Variants in SCAPER observed in about 807,000 individuals in gnomAD.
SCAPER encodes S-phase cyclin A associated protein in the ER.
Under a neutral mutation model 182.2 loss-of-function variants are expected in SCAPER, and 98 were observed. The observed-to-expected ratio is 0.54, with a 90% CI of 0.46 to 0.64. The LOEUF is 0.64. SCAPER is among the 30% of genes least tolerant of loss of function. SCAPER has a pLI of 0.00. For synonymous variants in SCAPER, 605 were observed against 564.6 expected (o/e 1.07, Z -1.01); for missense variants, 1,432 against 1,690.0 (o/e 0.85, Z 2.68).
chr15:76,854,807 A>G (rs2071167007), intron 4 of SCAPER, among the ~76,000 whole-genome samples: 1 of 149,224 alleles, frequency 6.7e-6, no homozygotes, highest in Admixed American at 6.7e-5. Context: ...AAAATACAAA[A>G]AAAAAAAAAA....
chr15:76,475,813 A>C (rs4886806), intron 24 of SCAPER, among the ~76,000 whole-genome samples: 5 of 152,192 alleles, frequency 3.3e-5, no homozygotes, highest in African/African-American at 9.7e-5. Flanking sequence ...TTTGTGATAC[A>C]GTGAAAACTA....
At chr15:76,705,444 T>C (rs1230265874) in intron 18 of SCAPER, among the ~76,000 whole-genome samples, 4 of 151,292 alleles carry the variant, frequency 2.6e-5, no homozygotes, top group Admixed American at 6.6e-5. Flanking sequence ...ATATACCTAA[T>C]GCTAAATGAC....
At chr15:76,477,944 TTTTA>T (rs1379144711) in intron 24 of SCAPER, among the ~76,000 whole-genome samples, 1 of 152,028 alleles carries the variant, frequency 6.6e-6, no homozygotes, top group Non-Finnish European at 1.5e-5. Flanking sequence ...TAATTTTTTT[TTTTA>T]GTTTTTTTTG....
At chr15:76,569,575 G>A (rs1282266430) in intron 23 of SCAPER, among the ~76,000 whole-genome samples, 4 of 152,086 alleles carry the variant, frequency 2.6e-5, no homozygotes, top group Non-Finnish European at 4.4e-5. Flanking sequence ...TGGGCTTCTC[G>A]AATCTGTAAA....
At chr15:76,488,093 T>A (rs1445925830) in intron 24 of SCAPER, among the ~76,000 whole-genome samples, 1 of 152,154 alleles carries the variant, frequency 6.6e-6, no homozygotes, top group Non-Finnish European at 1.5e-5. Context: ...AAACTCAAAT[T>A]CCAGACTAAG....
At chr15:76,560,782 G>T (rs1193785047) in intron 23 of SCAPER, among the ~76,000 whole-genome samples, 1 of 152,168 alleles carries the variant, frequency 6.6e-6, no homozygotes, top group Admixed American at 6.5e-5. Flanking sequence ...TCCCAGGGAT[G>T]CAGTGCTGGG....
At chr15:76,894,206 G>A (rs1167890503) in intron 1 of SCAPER, among the ~76,000 whole-genome samples, 1 of 151,924 alleles carries the variant, frequency 6.6e-6, no homozygotes, top group African/African-American at 2.4e-5. Flanking sequence ...GAGCTGAGAT[G>A]GTGCCACTGC....
At chr15:76,842,954 AG>A (rs991794145) in intron 4 of SCAPER, among the ~76,000 whole-genome samples, 1 of 152,224 alleles carries the variant, frequency 6.6e-6, no homozygotes, top group Non-Finnish European at 1.5e-5. Context: ...AAATTAACTT[AG>A]GAAGTTTCCT....
intron 15 of SCAPER, among the ~76,000 whole-genome samples, chr15:76,739,203 T>C (rs1225698602): frequency 3.9e-5 from 6 of 152,194 alleles, no homozygotes. Flanking sequence ...CAAGAGGCCC[T>C]GAAACCAATC....
At chr15:76,617,000 C>G (rs2146025310) in intron 22 of SCAPER, among the ~76,000 whole-genome samples, 1 of 152,220 alleles carries the variant, frequency 6.6e-6, no homozygotes, top group African/African-American at 2.4e-5. Context: ...CTGATCATAT[C>G]CAATATTTTC....
intron 22 of SCAPER, among the ~76,000 whole-genome samples, chr15:76,608,517 T>C (rs942760668): frequency 1.3e-5 from 2 of 152,182 alleles, no homozygotes; most frequent in Admixed American, 1.3e-4. Context: ...AGTTGCGTGC[T>C]GGGAGAACCA....
At chr15:76,395,107 C>G (rs2043964799) in intron 27 of SCAPER, among the ~76,000 whole-genome samples, 1 of 151,824 alleles carries the variant, frequency 6.6e-6, no homozygotes, top group Non-Finnish European at 1.5e-5. Flanking sequence ...ATGTTTATCT[C>G]TCTGTGCCTA....
At chr15:76,849,454 G>A (rs2070482261) in intron 4 of SCAPER, among the ~76,000 whole-genome samples, 1 of 152,142 alleles carries the variant, frequency 6.6e-6, no homozygotes, top group Non-Finnish European at 1.5e-5. Flanking sequence ...CCCAGCTTGG[G>A]CCCACAGCAC....
At chr15:76,587,649 A>G (rs1022516341) in intron 22 of SCAPER, among the ~76,000 whole-genome samples, 1 of 152,196 alleles carries the variant, frequency 6.6e-6, no homozygotes, top group African/African-American at 2.4e-5. Flanking sequence ...GACAGAGTAC[A>G]TGATATAATT....
intron 24 of SCAPER, among the ~76,000 whole-genome samples, chr15:76,486,432 C>T (rs116301796): frequency 0.016 from 2,363 of 152,080 alleles, 62 homozygotes; most frequent in African/African-American, 0.055. Context: ...AGATGACCTA[C>T]AGAATGGGAG....
rs2041858142 is a variant in SCAPER at position 76,366,959 on chromosome 15, C to T, written c.3855+9203G>A. ...CCTGAGACTCTGAGGTGGGAGGATC[C>T]TCTGTACTTCTACATGTTTTGGTCC... On this transcript the variant is annotated intron_variant, in intron 29 of 31. Transcript: ENST00000563290. 2.0e-5 allele frequency among the ~76,000 whole-genome samples: 3 copies of T among 152,332 alleles called. No homozygotes were observed. The South Asian group carries it at 6.2e-4, about 32-fold the overall frequency.
At chr15:76,811,565 T>G (rs2066624658) in intron 5 of SCAPER, among the ~76,000 whole-genome samples, 1 of 151,880 alleles carries the variant, frequency 6.6e-6, no homozygotes, top group Non-Finnish European at 1.5e-5. Context: ...CCAAGGCTGG[T>G]GGATCACCTG....
intron 14 of SCAPER, among the ~76,000 whole-genome samples, chr15:76,756,568 C>T (rs1172332773): frequency 6.6e-6 from 1 of 152,086 alleles, no homozygotes; most frequent in Non-Finnish European, 1.5e-5. Context: ...CAGAGCAAGT[C>T]CCTGACTCTA....
chr15:76,740,852 T>C (rs2061503858), intron 15 of SCAPER, among the ~76,000 whole-genome samples: 1 of 152,046 alleles, frequency 6.6e-6, no homozygotes, highest in South Asian at 2.1e-4. Context: ...TTGATCAACT[T>C]TAACAAGAGA....
Sources: gnomAD v4.1 joint callset for allele counts (sites outside exome capture counted in the v4.1 genomes callset) on GRCh38, gnomAD v4.1.1 for gene constraint, MANE v1.5 for transcripts, NCBI Gene and HGNC (gene_info 2026-07-23, HGNC 2026-07-21) for gene names.